NCMAP: variants seen among roughly 807,000 people sequenced by gnomAD.
The protein encoded by NCMAP is noncompact myelin-associated protein.
A neutral mutation model predicts 7.8 loss-of-function variants in NCMAP; 8 were observed. The ratio of observed to expected loss-of-function variants is 1.02; its 90% CI spans 0.60 to 1.84. NCMAP has a LOEUF of 1.84. NCMAP is among the 40% of genes most tolerant of loss of function. The probability of loss-of-function intolerance (pLI) is 0.00; values close to 1 mark genes in which losing one functional copy is unlikely to be tolerated. For missense variants in NCMAP, 112 were observed against 131.4 expected, an observed-to-expected ratio of 0.85 and a Z score of 0.72; for synonymous variants, 41 against 52.9, an observed-to-expected ratio of 0.78 and a Z score of 0.98.
chr1:24,586,160 T>A (rs1651873825), intron 1 of NCMAP, among the ~76,000 whole-genome samples: 1 of 152,154 alleles, frequency 6.6e-6, no homozygotes, highest in African/African-American at 2.4e-5. Flanking sequence ...TTTATCAAGC[T>A]GGTCAGTGAT....
In NCMAP at chr1:24,569,753, AC is replaced by A. The variant is rs1279566413; in HGVS notation, c.-8+13585del. Among the ~76,000 whole-genome samples the A allele has an allele frequency of 6.6e-5, 10 of 150,690 alleles. No homozygotes were observed. In the South Asian group the frequency reaches 1.0e-3, roughly 16 times the overall value. On this transcript the variant is annotated intron_variant, in intron 1 of 3. Transcript: ENST00000374392. ...TTATACAAATAAAAATTTAAACTAT[AC>A]AAATAAAAGCTTACTTATAAAGTTT...
At chr1:24,565,656 T>C (rs770048792) in intron 1 of NCMAP, among the ~76,000 whole-genome samples, 1 of 150,810 alleles carries the variant, frequency 6.6e-6, no homozygotes, top group Non-Finnish European at 1.5e-5. Context: ...TGGAGTGCAG[T>C]GGCGTGATCA....
intron 1 of NCMAP, among the ~76,000 whole-genome samples, chr1:24,587,991 T>G (rs1293375702): frequency 2.0e-5 from 3 of 152,098 alleles, no homozygotes; most frequent in Non-Finnish European, 4.4e-5. Context: ...GGAGGTTTAA[T>G]AGGCAAAAGA....
intron 1 of NCMAP, among the ~76,000 whole-genome samples, chr1:24,561,457 A>G (rs1651050631): frequency 1.3e-5 from 2 of 152,200 alleles, no homozygotes; most frequent in South Asian, 2.1e-4. Context: ...TAAAAGAAAT[A>G]AAAACATTTT....
intron 1 of NCMAP, among the ~76,000 whole-genome samples, chr1:24,571,303 C>T (rs1651383142): frequency 2.0e-5 from 3 of 150,068 alleles, no homozygotes; most frequent in African/African-American, 7.6e-5. Context: ...AGTGAAACCT[C>T]GTCTCTACTA....
intron 1 of NCMAP, among the ~76,000 whole-genome samples, chr1:24,565,632 T>C (rs1197831211): frequency 2.0e-5 from 3 of 150,122 alleles, no homozygotes; most frequent in Admixed American, 6.6e-5. Context: ...ACAGTCTTAC[T>C]CTGTCACCCA....
intron 1 of NCMAP, among the ~76,000 whole-genome samples, chr1:24,591,297 A>T (rs1390953291): frequency 7.3e-5 from 11 of 151,550 alleles, no homozygotes; most frequent in Non-Finnish European, 1.3e-4. Context: ...ATGGACTCTC[A>T]CTCTGTCACC....
chr1:24,575,332 G>A (rs1368417025), intron 1 of NCMAP, among the ~76,000 whole-genome samples: 1 of 152,070 alleles, frequency 6.6e-6, no homozygotes, highest in African/African-American at 2.4e-5. Flanking sequence ...TAGAGCCCAC[G>A]AAAATGTATT....
intron 2 of NCMAP, among the ~76,000 whole-genome samples, chr1:24,597,519 AGG>A (rs796235815): frequency 0.32 from 6,847 of 21,242 alleles, 1,211 homozygotes; most frequent in Middle Eastern, 0.58. Flanking sequence ...AAGAGAAGGA[AGG>A]GGGGGGGGGA....
chr1:24,561,678 AGGC>A (rs958837719), intron 1 of NCMAP, among the ~76,000 whole-genome samples: 15 of 152,198 alleles, frequency 9.9e-5, no homozygotes, highest in Non-Finnish European at 1.5e-5. Flanking sequence ...TGGGAGACTG[AGGC>A]GGGCAGATCT....
chr1:24,599,733 AC>A (rs1652400150), intron 2 of NCMAP, among the ~76,000 whole-genome samples: 1 of 146,696 alleles, frequency 6.8e-6, no homozygotes, highest in African/African-American at 2.5e-5. Context: ...ACATGCCATC[AC>A]GCCCGGCTAA....
At chr1:24,567,826 A>T (rs1373285503) in intron 1 of NCMAP, among the ~76,000 whole-genome samples, 1 of 152,166 alleles carries the variant, frequency 6.6e-6, no homozygotes, top group Non-Finnish European at 1.5e-5. Context: ...AGTCTCAAGG[A>T]GCCAGGGTGT....
chr1:24,585,079 AC>A (rs1470204965), intron 1 of NCMAP, among the ~76,000 whole-genome samples: 2 of 152,188 alleles, frequency 1.3e-5, no homozygotes, highest in Admixed American at 1.3e-4. Flanking sequence ...TACAAGGAAC[AC>A]ATGTTCAGTA....
chr1:24,571,530 G>C (rs1651388800), intron 1 of NCMAP, among the ~76,000 whole-genome samples: 1 of 150,522 alleles, frequency 6.6e-6, no homozygotes, highest in Non-Finnish European at 1.5e-5. Context: ...ATGTAACCCA[G>C]CATATTCCAA....
At chr1:24,594,288 C>T (rs1652145948) in intron 1 of NCMAP, among the ~76,000 whole-genome samples, 1 of 152,120 alleles carries the variant, frequency 6.6e-6, no homozygotes, top group Non-Finnish European at 1.5e-5. Context: ...CTGTGTAGGT[C>T]CTGGCTCACC....
At chr1:24,558,362 G>A (rs1650964714) in intron 1 of NCMAP, among the ~76,000 whole-genome samples, 1 of 152,170 alleles carries the variant, frequency 6.6e-6, no homozygotes, top group Admixed American at 6.5e-5. Context: ...AATCTATGTG[G>A]AATGCATCCA....
At chr1:24,592,234 A>G (rs1344975303) in intron 1 of NCMAP, among the ~76,000 whole-genome samples, 1 of 152,206 alleles carries the variant, frequency 6.6e-6, no homozygotes, top group African/African-American at 2.4e-5. Context: ...ACTACTGGAT[A>G]TTGCAGTGTC....
chr1:24,570,424 A>G (rs1214049260), intron 1 of NCMAP, among the ~76,000 whole-genome samples: 1 of 150,656 alleles, frequency 6.6e-6, no homozygotes, highest in Non-Finnish European at 1.5e-5. Context: ...GAACTGGGGA[A>G]GTCAAGGCTG....
Position 24,595,405 on chromosome 1 carries a change from T to C in NCMAP, c.-7-19T>C, listed in dbSNP as rs757115133. 1.3e-6 allele frequency: 2 copies of C among 1,559,312 alleles called. No individual in the cohort carries two copies. The highest frequency in any genetic ancestry group is 2.2e-5 in the South Asian group (2 of 89,542). On this transcript the variant is annotated intron_variant, in intron 1 of 3. Transcript: ENST00000374392. ...GATTTATCTAATTTTAAACAAAATATCTTCTTCTTTCTCATCAGGATCGAG... is the reference window on the plus strand; with the variant it reads ...GATTTATCTAATTTTAAACAAAATACCTTCTTCTTTCTCATCAGGATCGAG...
Sources: allele counts gnomAD v4.1 joint callset (sites outside exome capture counted in the v4.1 genomes callset), GRCh38; gene constraint gnomAD v4.1.1; transcripts MANE v1.5; gene names NCBI Gene and HGNC (gene_info 2026-07-23, HGNC 2026-07-21).